LGSN: variants seen among roughly 807,000 people sequenced by gnomAD.
LGSN encodes the protein lengsin.
In LGSN, 21 loss-of-function variants were observed where a neutral mutation model predicts 19.5. That is an observed-to-expected ratio of 1.07 (90% confidence interval 0.76 to 1.55). The LOEUF (loss-of-function observed/expected upper bound fraction) is 1.55. LGSN is among the 40% of genes most tolerant of loss of function. The probability of loss-of-function intolerance (pLI) is 0.00; values close to 1 mark genes in which losing one functional copy is unlikely to be tolerated. For synonymous variants in LGSN, 257 were observed against 215.6 expected (o/e 1.19, Z -1.68); for missense variants, 673 against 608.5 (o/e 1.11, Z -1.12).
At chr6:63,387,560 A>T in the LGSN span, among the ~76,000 whole-genome samples, 2 of 152,194 alleles carry the variant, frequency 1.3e-5, no homozygotes, top group African/African-American at 4.8e-5. Flanking sequence ...ACAGATACTG[A>T]GGGACAACTG....
the LGSN span, among the ~76,000 whole-genome samples, chr6:63,344,228 C>T: frequency 3.3e-5 from 5 of 152,240 alleles, no homozygotes; most frequent in African/African-American, 1.2e-4. Context: ...AAAATGAATA[C>T]AGTGATAAAG....
At chr6:63,497,698 G>A in the LGSN span, among the ~76,000 whole-genome samples, 1 of 151,854 alleles carries the variant, frequency 6.6e-6, no homozygotes. Flanking sequence ...AGTCATTTTA[G>A]GAAAGGAGGA....
At chr6:63,510,643 C>T in the LGSN span, among the ~76,000 whole-genome samples, 1 of 141,648 alleles carries the variant, frequency 7.1e-6, no homozygotes, top group Non-Finnish European at 1.5e-5. Context: ...AACATGTTCT[C>T]TTCCTTCAAG....
chr6:63,525,793 T>C, the LGSN span, among the ~76,000 whole-genome samples: 2 of 152,190 alleles, frequency 1.3e-5, no homozygotes, highest in Non-Finnish European at 2.9e-5. Flanking sequence ...CCAATATCTA[T>C]ATAACTAAAT....
the LGSN span, among the ~76,000 whole-genome samples, chr6:63,372,276 T>G: frequency 1.3e-5 from 2 of 152,186 alleles, no homozygotes; most frequent in African/African-American, 2.4e-5. Context: ...TCTCTAAAAC[T>G]AATACCCCAT....
the LGSN span, among the ~76,000 whole-genome samples, chr6:63,518,469 G>A: frequency 1.3e-5 from 2 of 152,176 alleles, no homozygotes; most frequent in Admixed American, 1.3e-4. Flanking sequence ...GAATCCAACA[G>A]AGGTAAAGGA....
At chr6:63,559,368 A>G in the LGSN span, among the ~76,000 whole-genome samples, 4 of 152,186 alleles carry the variant, frequency 2.6e-5, no homozygotes, top group Non-Finnish European at 5.9e-5. Context: ...CTTACTTGTA[A>G]AAACAGTAAA....
At chr6:63,503,505 C>A in the LGSN span, among the ~76,000 whole-genome samples, 1 of 152,190 alleles carries the variant, frequency 6.6e-6, no homozygotes, top group Non-Finnish European at 1.5e-5. Flanking sequence ...TAATCCTCTA[C>A]CCAAGATTTA....
At chr6:63,375,580 C>T in the LGSN span, among the ~76,000 whole-genome samples, 4 of 151,962 alleles carry the variant, frequency 2.6e-5, no homozygotes, top group Non-Finnish European at 4.4e-5. Context: ...TGTATATATT[C>T]GTCTGTACTC....
At chr6:63,513,123 G>A in the LGSN span, among the ~76,000 whole-genome samples, 1 of 152,256 alleles carries the variant, frequency 6.6e-6, no homozygotes, top group Non-Finnish European at 1.5e-5. Flanking sequence ...GGTCCTTAAC[G>A]TGCTGACTTT....
At chr6:63,572,584 T>C in the LGSN span, 1 of 415,922 alleles carries the variant, frequency 2.4e-6, no homozygotes, top group Admixed American at 4.4e-5. Flanking sequence ...CGCCGCCGCC[T>C]GCATCGCCGC....
chr6:63,300,176 A>C (rs1768128067), intron 1 of LGSN, among the ~76,000 whole-genome samples: 1 of 152,106 alleles, frequency 6.6e-6, no homozygotes, highest in Non-Finnish European at 1.5e-5. Flanking sequence ...CCATGCTGAG[A>C]GGGGTTGGAT....
At chr6:63,348,811 G>A in the LGSN span, among the ~76,000 whole-genome samples, 3 of 146,390 alleles carry the variant, frequency 2.0e-5, no homozygotes, top group Non-Finnish European at 3.0e-5. Context: ...GGCTGGTCTC[G>A]AAATCTTGGC....
At chr6:63,387,178 C>T in the LGSN span, among the ~76,000 whole-genome samples, 60 of 152,196 alleles carry the variant, frequency 3.9e-4, no homozygotes, top group East Asian at 9.7e-4. Context: ...TTCAGACCTT[C>T]GAACCAAAGA....
the LGSN span, among the ~76,000 whole-genome samples, chr6:63,432,170 A>AAAAGG: frequency 1.0e-5 from 1 of 96,442 alleles, no homozygotes; most frequent in African/African-American, 4.9e-5. Flanking sequence ...AGAAAGAAAG[A>AAAAGG]AAAGGAAAGA....
chr6:63,287,243 T>A (rs1214919294), intron 2 of LGSN, among the ~76,000 whole-genome samples: 1 of 152,240 alleles, frequency 6.6e-6, no homozygotes, highest in Non-Finnish European at 1.5e-5. Flanking sequence ...GGAGGCTTTA[T>A]AACTACCTTC....
the LGSN span, among the ~76,000 whole-genome samples, chr6:63,329,449 C>G: frequency 1.3e-5 from 2 of 152,210 alleles, no homozygotes; most frequent in Non-Finnish European, 2.9e-5. Context: ...GCACTAGTCT[C>G]CACTGACCGT....
the LGSN span, among the ~76,000 whole-genome samples, chr6:63,387,990 C>T: frequency 2.0e-5 from 3 of 151,912 alleles, no homozygotes; most frequent in African/African-American, 4.8e-5. Flanking sequence ...CTCAGCCTCC[C>T]GAATAGCTGG....
At chr6:63,336,428 G>A in the LGSN span, among the ~76,000 whole-genome samples, 1 of 151,546 alleles carries the variant, frequency 6.6e-6, no homozygotes, top group Non-Finnish European at 1.5e-5. Context: ...ACTTACTTAT[G>A]CTTCAGATGG....
Sources: gnomAD v4.1 joint callset for allele counts (sites outside exome capture counted in the v4.1 genomes callset) on GRCh38, gnomAD v4.1.1 for gene constraint, MANE v1.5 for transcripts, NCBI Gene and HGNC (gene_info 2026-07-23, HGNC 2026-07-21) for gene names.